APBA2: variants seen among roughly 807,000 people sequenced by gnomAD.
APBA2 encodes the protein amyloid-beta A4 precursor protein-binding family A member 2.
A neutral mutation model predicts 75.0 loss-of-function variants in APBA2; 30 were observed. The ratio of observed to expected loss-of-function variants is 0.40; its 90% CI spans 0.30 to 0.54. The LOEUF is 0.54. Among genes scored for constraint, APBA2 ranks in the 20% least tolerant of loss-of-function variants. APBA2 has a pLI of 0.49. For synonymous variants in APBA2, 444 were observed against 409.6 expected, an observed-to-expected ratio of 1.08 and a Z score of -1.01; for missense variants, 801 against 1,016.1, an observed-to-expected ratio of 0.79 and a Z score of 2.88.
chr15:28,947,351 G>A (rs906216353), intron 2 of APBA2, among the ~76,000 whole-genome samples: 1 of 152,286 alleles, frequency 6.6e-6, no homozygotes, highest in Admixed American at 6.5e-5. Context: ...GGCCGTCCTC[G>A]TGGGCGTGGC....
chr15:28,952,422 C>T (rs1234525407), intron 2 of APBA2, among the ~76,000 whole-genome samples: 1 of 151,984 alleles, frequency 6.6e-6, no homozygotes, highest in Non-Finnish European at 1.5e-5. Context: ...GTCCCACCTC[C>T]GTGGGAGGCA....
At chr15:29,062,477 G>T (rs183146584) in intron 4 of APBA2, among the ~76,000 whole-genome samples, 6 of 152,266 alleles carry the variant, frequency 3.9e-5, no homozygotes, top group African/African-American at 1.4e-4. Context: ...TTGATGTTCA[G>T]AAGCTCAGGG....
intron 2 of APBA2, among the ~76,000 whole-genome samples, chr15:28,949,118 G>A (rs2035710284): frequency 6.6e-6 from 1 of 151,772 alleles, no homozygotes; most frequent in East Asian, 1.9e-4. Flanking sequence ...GTCATGGCAG[G>A]GTGGTAAAGG....
At chr15:28,996,204 T>C (rs958007069) in intron 3 of APBA2, among the ~76,000 whole-genome samples, 2 of 152,202 alleles carry the variant, frequency 1.3e-5, no homozygotes, top group Non-Finnish European at 2.9e-5. Flanking sequence ...AGTAGACACA[T>C]GTATATCGGC....
At chr15:29,003,842 A>ATC (rs1395005454) in intron 3 of APBA2, among the ~76,000 whole-genome samples, 7 of 152,232 alleles carry the variant, frequency 4.6e-5, no homozygotes, top group Admixed American at 1.3e-4. Flanking sequence ...AGACCCAGAC[A>ATC]GATTGTCTGG....
intron 3 of APBA2, among the ~76,000 whole-genome samples, chr15:29,031,486 TGAGATG>T (rs929081265): frequency 1.3e-5 from 2 of 152,044 alleles, no homozygotes; most frequent in Non-Finnish European, 2.9e-5. Context: ...CTTTTTTTTT[TGAGATG>T]GAGTTTTGCT....
chr15:28,888,824 G>A (rs916386155), intron 1 of APBA2, among the ~76,000 whole-genome samples: 2 of 152,198 alleles, frequency 1.3e-5, no homozygotes, highest in African/African-American at 4.8e-5. Context: ...ACCCTTGCCA[G>A]GTGGCTGTGA....
intron 3 of APBA2, among the ~76,000 whole-genome samples, chr15:29,032,834 C>T (rs778538759): frequency 4.6e-5 from 7 of 152,176 alleles, no homozygotes; most frequent in South Asian, 4.1e-4. Flanking sequence ...GACCAGATCC[C>T]GGATCCTTTC....
intron 14 of APBA2, among the ~76,000 whole-genome samples, chr15:29,115,689 C>G (rs1451270833): frequency 2.6e-5 from 4 of 152,124 alleles, no homozygotes; most frequent in Admixed American, 2.0e-4. Context: ...CTTGCAGTTG[C>G]GAGGGGCCTC....
chr15:28,939,873 G>A (rs528502968), intron 2 of APBA2, among the ~76,000 whole-genome samples: 5 of 152,310 alleles, frequency 3.3e-5, no homozygotes, highest in South Asian at 2.1e-4. Flanking sequence ...AAACAGAGCC[G>A]TAAGGACTGG....
At chr15:29,041,368 A>G (rs891408592) in intron 3 of APBA2, among the ~76,000 whole-genome samples, 3 of 152,034 alleles carry the variant, frequency 2.0e-5, no homozygotes, top group African/African-American at 7.2e-5. Context: ...CTGTAGTGCC[A>G]TCTACTCAGA....
At position 29,041,007 on chromosome 15, in the gene APBA2, G is replaced by A. The variant is rs1053457555; in HGVS notation, c.-40-12838G>A. On this transcript the variant is annotated intron_variant, in intron 3 of 14. Transcript: ENST00000683413. ...CAGTTCTGAAATTAACAGAAACATA[G>A]AAATTCGCAGCAGGGCAATATGAAA... is the stretch of plus-strand genomic sequence containing the variant. Among the ~76,000 whole-genome samples the A allele has an allele frequency of 4.7e-5, 7 of 150,446 alleles. 1 individual carries two copies. The highest frequency in any genetic ancestry group is 3.3e-4 in the Admixed American group (5 of 15,048).
intron 1 of APBA2, among the ~76,000 whole-genome samples, chr15:28,889,128 C>T (rs144426632): frequency 0.016 from 2,376 of 152,218 alleles, 79 homozygotes; most frequent in African/African-American, 0.054. Flanking sequence ...TGCCGCCCAC[C>T]GCCTGGGTTG....
At position 28,935,610 on chromosome 15, in the gene APBA2, A is replaced by G. The variant is rs555960999; in HGVS notation, c.-95+13861A>G. ...CGCCCAGCCTAGCAGGGCAGGGTTC[A>G]ATCTGCAGGACTGGCATGAGGAGGC... On this transcript the variant is annotated intron_variant, in intron 2 of 14. Transcript: ENST00000683413. Among the ~76,000 whole-genome samples, 7 of 152,322 alleles carry G rather than the reference A, an allele frequency of 4.6e-5. No individual in the cohort carries two copies. In the South Asian group the frequency reaches 1.5e-3, roughly 32 times the overall value.
intron 2 of APBA2, among the ~76,000 whole-genome samples, chr15:28,951,574 C>T (rs1242627120): frequency 7.3e-6 from 1 of 137,610 alleles, no homozygotes; most frequent in Non-Finnish European, 1.5e-5. Flanking sequence ...TATGTATCTC[C>T]CATAGTTTTT....
chr15:29,065,165 A>T (rs2042324825), intron 4 of APBA2, among the ~76,000 whole-genome samples: 1 of 151,710 alleles, frequency 6.6e-6, no homozygotes, highest in Non-Finnish European at 1.5e-5. Flanking sequence ...GAGGCCCCGT[A>T]CCTCCCGTTC....
At chr15:28,946,899 A>G (rs1217012927) in intron 2 of APBA2, among the ~76,000 whole-genome samples, 1 of 152,184 alleles carries the variant, frequency 6.6e-6, no homozygotes, top group Non-Finnish European at 1.5e-5. Flanking sequence ...TTTCTGAACT[A>G]TAGAACTGTA....
chr15:29,051,725 C>A (rs1375303451), intron 3 of APBA2, among the ~76,000 whole-genome samples: 1 of 152,092 alleles, frequency 6.6e-6, no homozygotes, highest in African/African-American at 2.4e-5. Context: ...TGGGGGGATA[C>A]ACAATATGGA....
In APBA2 at chr15:28,975,576, C is replaced by G. The variant is rs535779059; in HGVS notation, c.-94-20177C>G. Among the ~76,000 whole-genome samples, 10 of 152,078 alleles carry G rather than the reference C, an allele frequency of 6.6e-5. No homozygotes were observed. The East Asian group carries it at 1.7e-3, about 26-fold the overall frequency. On this transcript the variant is annotated intron_variant, in intron 2 of 14. Transcript: ENST00000683413. ...AAACATGGGTAAATTTTAAAATAAC[C>G]TGTGGGTAGGGAAAATTATGATTCA...
Sources: allele counts gnomAD v4.1 joint callset (sites outside exome capture counted in the v4.1 genomes callset), GRCh38; gene constraint gnomAD v4.1.1; transcripts MANE v1.5; gene names NCBI Gene and HGNC (gene_info 2026-07-23, HGNC 2026-07-21).